Variants in ITLN2 observed in about 807,000 individuals in gnomAD.
The protein encoded by ITLN2 is intelectin 2.
Under a neutral mutation model 39.4 loss-of-function variants are expected in ITLN2, and 29 were observed. The observed-to-expected ratio is 0.74, with a 90% confidence interval of 0.55 to 1.00. The LOEUF is 1.00. Among genes scored for constraint, ITLN2 ranks in the 50% least tolerant of loss-of-function variants. ITLN2 has a pLI of 0.00. For synonymous variants in ITLN2, 156 were observed against 153.4 expected, an observed-to-expected ratio of 1.02 and a Z score of -0.12; for missense variants, 412 against 416.7, an observed-to-expected ratio of 0.99 and a Z score of 0.10.
At chr1:160,954,329 C>A in intron 2 of ITLN2, 58 bp downstream of exon 2, 1 of 1,280,202 alleles carries the variant, frequency 7.8e-7, no homozygotes, top group Non-Finnish European at 1.1e-6. Context: ...CCCTCCAGGC[C>A]CTGCACAGCA....
intron 7 of ITLN2, among the ~76,000 whole-genome samples, chr1:160,946,332 C>G (rs1339913341): frequency 1.3e-5 from 2 of 151,880 alleles, no homozygotes; most frequent in Non-Finnish European, 2.9e-5. Context: ...TAAATAAATA[C>G]ATAAGATTTA....
chr1:160,951,298 G>C lies in ITLN2; in HGVS notation c.194-8C>G, dbSNP rs1671738119. 4.2e-5 allele frequency: 66 copies of C among 1,568,848 alleles called. No homozygotes were observed. In the East Asian group the frequency reaches 1.4e-3, roughly 34 times the overall value. ...GGAGAAAATACAGGCCATCTGTAGA[G>C]AGAACCAGCCCAGAGCCTCCCTGTC... On this transcript the variant is annotated splice_region_variant and splice_polypyrimidine_tract_variant and intron_variant, in intron 3 of 7. Transcript: ENST00000368029.
rs767891405 is a variant in ITLN2 at position 160,953,483 on chromosome 1, G to T, written c.80-750C>A. On this transcript the variant is annotated intron_variant, in intron 2 of 7. Coordinates refer to ENST00000368029, the MANE Select transcript of ITLN2 (RefSeq NM_080878.3). Reference sequence around the variant, plus strand: ...TCCCAGCACTTTCGGAGGCCGAGGAGGGTGGATCACAAGATCAGGAGTTCA... The same window carrying T: ...TCCCAGCACTTTCGGAGGCCGAGGATGGTGGATCACAAGATCAGGAGTTCA... Among the ~76,000 whole-genome samples, 3 of 152,114 alleles carry T rather than the reference G, an allele frequency of 2.0e-5. No homozygotes were observed. The East Asian group carries it at 5.8e-4, about 29-fold the overall frequency.
chr1:160,952,792 G>T, intron 2 of ITLN2, 59 bp from the exon 3 acceptor site: 2 of 1,192,010 alleles, frequency 1.7e-6, no homozygotes. Context: ...ATCTTTCCTG[G>T]CCAATCTCTG....
At chr1:160,951,493 CAA>C (rs1671745277) in intron 3 of ITLN2, 4 of 637,776 alleles carry the variant, frequency 6.3e-6, no homozygotes, top group East Asian at 2.9e-5. Flanking sequence ...ACTATCTTTT[CAA>C]AGAGTTTGTA....
intron 2 of ITLN2, 87 bp from the exon 3 acceptor site, chr1:160,952,820 C>T: frequency 1.1e-6 from 1 of 950,030 alleles, no homozygotes; most frequent in Non-Finnish European, 1.7e-6. Context: ...ATCAACTCAT[C>T]ACTCTGCTCT....
At position 160,954,722 on chromosome 1, in the gene ITLN2, C is replaced by T. The variant is rs537974396; in HGVS notation, c.15+5G>A. 13 of 1,614,064 alleles carry T rather than the reference C, an allele frequency of 8.1e-6. No individual in the cohort carries two copies. The South Asian group carries it at 1.3e-4, about 16-fold the overall frequency. ...ACACACATGGATCAAAAACATTTTT[C>T]TCACCAGCATGGACAGCATCCTTAC... On this transcript the variant is annotated splice_donor_5th_base_variant and intron_variant, in intron 1 of 7. Transcript: ENST00000368029.
chr1:160,945,438 C>G (rs1240221480), intron 7 of ITLN2, 146 bp from the exon 8 acceptor site: 4 of 630,074 alleles, frequency 6.3e-6, no homozygotes, highest in Admixed American at 7.3e-5. Context: ...TGAGCTACCA[C>G]ACCTGGCCCT....
At position 160,951,259 on chromosome 1, in the gene ITLN2, A is replaced by G. The variant is rs6693472; in HGVS notation, c.225T>C (p.Gly75=). Residue 75 remains glycine, a synonymous_variant, in exon 4 of 8, where the codon GGT becomes GGC. Transcript: ENST00000368029. Reference sequence around the variant, plus strand: ...TGTCACAGAAGGTCTGGTAGACAACACCATTCTTGGTGCGGAGAAAATACA... The same window carrying G: ...TGTCACAGAAGGTCTGGTAGACAACGCCATTCTTGGTGCGGAGAAAATACA... ...DGLYFLRTKN[G]VVYQTFCDMT... 0.01 allele frequency: 16,268 copies of G among 1,600,862 alleles called. 679 individuals are homozygous for G. The African/African-American group carries it at 0.12, about 12-fold the overall frequency.
At chr1:160,947,900 G>T in intron 7 of ITLN2, 29 bp downstream of exon 7, 3 of 1,403,236 alleles carry the variant, frequency 2.1e-6, no homozygotes, top group Non-Finnish European at 3.0e-6. Context: ...TTCCCCACAC[G>T]TGGGCCATTG....
intron 2 of ITLN2, among the ~76,000 whole-genome samples, chr1:160,953,324 AT>A (rs1219528054): frequency 2.0e-5 from 3 of 152,234 alleles, no homozygotes; most frequent in African/African-American, 7.2e-5. Context: ...AAGCTGAAAA[AT>A]TAACAGAGGC....
Position 160,952,704 on chromosome 1 carries a change from T to C in ITLN2, c.109A>G (p.Arg37Gly). 1 of 1,613,978 alleles carries C rather than the reference T, an allele frequency of 6.2e-7. No individual in the cohort carries two copies. Among genetic ancestry groups the C allele is most frequent in the Non-Finnish European group, 8.5e-7 (1 of 1,179,928 alleles). Reference sequence around the variant, plus strand: ...GAGAAGGCACAGGTTTCGAATTCCCTCGAGAGCATCTCAAGAGAAGAGGCT... The same window carrying C: ...GAGAAGGCACAGGTTTCGAATTCCCCCGAGAGCATCTCAAGAGAAGAGGCT... ...AAASSLEMLSREFETCAFSFS... is the reference protein window; with the variant it reads ...AAASSLEMLSGEFETCAFSFS... Residue 37 changes from arginine (R) to glycine (G), a missense_variant, in exon 3 of 8, where the codon AGG (arginine) becomes GGG (glycine). Coordinates refer to ENST00000368029, the MANE Select transcript of ITLN2 (RefSeq NM_080878.3).
chr1:160,952,726 G>A lies in ITLN2; in HGVS notation c.87C>T (p.Ala29=), dbSNP rs754873784. ...CCCTCGAGAGCATCTCAAGAGAAGA[G>A]GCTGCTGCTAGAAAATGTGAGAATG... ...VATSGCSAAA[A]SSLEMLSREF... is the part of the protein sequence containing the mutation. Residue 29 remains alanine (A), a synonymous_variant, in exon 3 of 8, where the codon GCC becomes GCT. Transcript: ENST00000368029. 3.1e-6 allele frequency: 5 copies of A among 1,612,376 alleles called. No individual in the cohort carries two copies. The highest frequency in any genetic ancestry group is 1.1e-5 in the South Asian group (1 of 91,024).
rs368759400 is a variant in ITLN2, at chr1:160,951,351, G to A, written c.194-61C>T. 1.8e-5 allele frequency: 27 copies of A among 1,519,654 alleles called. No individual in the cohort carries two copies. The African/African-American group carries it at 1.8e-4, about 10-fold the overall frequency. 94.1% of individuals were successfully genotyped at this position (1,519,654 alleles called of 1,614,324 possible). A position where few individuals can be genotyped will look rare whatever the true frequency, so the allele number is the denominator to read the frequency against. On this transcript the variant is annotated intron_variant, in intron 3 of 7. Transcript: ENST00000368029. ...AGAGCTCAGGGTTCATCTCAGCTCC[G>A]TGAATAGAAAAGCCCTAGGAAGTCA...
Position 160,948,002 on chromosome 1 carries a change from C to G in ITLN2, c.752G>C (p.Arg251Pro). 6.2e-7 allele frequency: 1 copy of G among 1,614,002 alleles called. No individual in the cohort carries two copies. Residue 251 changes from arginine to proline, a missense_variant, in exon 7 of 8, where the codon CGG becomes CCG. Coordinates refer to ENST00000368029, the MANE Select transcript of ITLN2 (RefSeq NM_080878.3). ...GGCTGCTCTCTCGTTATTAAACACC[C>G]GGAACTGAACGAATCCTGCAACAAA... is the stretch of plus-strand genomic sequence containing the variant. ...REFVAGFVQF[R>P]VFNNERAANA... is the part of the protein sequence containing the mutation.
intron 7 of ITLN2, among the ~76,000 whole-genome samples, chr1:160,946,333 A>G (rs1014415979): frequency 6.6e-6 from 1 of 152,228 alleles, no homozygotes; most frequent in South Asian, 2.1e-4. Context: ...AAATAAATAC[A>G]TAAGATTTAA....
At position 160,951,324 on chromosome 1, in the gene ITLN2, TGA is replaced by T. The variant is rs749160214; in HGVS notation, c.194-36_194-35del. ...AGAACCAGCCCAGAGCCTCCCTGTC[TGA>T]GAGCTCAGGGTTCATCTCAGCTCCG... On this transcript the variant is annotated intron_variant, in intron 3 of 7. Transcript: ENST00000368029. 3.5e-5 allele frequency: 54 copies of T among 1,540,678 alleles called. No homozygotes were observed. The East Asian group carries it at 1.2e-3, about 34-fold the overall frequency.
chr1:160,953,080 A>G (rs776657986), intron 2 of ITLN2, among the ~76,000 whole-genome samples: 1 of 152,178 alleles, frequency 6.6e-6, no homozygotes, highest in African/African-American at 2.4e-5. Flanking sequence ...AGGCCTGGGA[A>G]CTGCTGGGGA....
chr1:160,954,747 C>T lies in ITLN2; in HGVS notation c.-6G>A, dbSNP rs761339023. 1 of 1,613,930 alleles carries T rather than the reference C, an allele frequency of 6.2e-7. No homozygotes were observed. The highest frequency in any genetic ancestry group is 1.7e-5 in the Admixed American group (1 of 60,002). The stretch of plus-strand genomic sequence containing the variant: ...CTCACCAGCATGGACAGCATCCTTA[C>T]AGATGCCAGGAGCTGATAGTTCCCT... On this transcript the variant is annotated 5_prime_UTR_variant, in exon 1 of 8. Transcript: ENST00000368029.
Sources: gnomAD v4.1 joint callset for allele counts (sites outside exome capture counted in the v4.1 genomes callset) on GRCh38, gnomAD v4.1.1 for gene constraint, MANE v1.5 for transcripts, NCBI Gene and HGNC (gene_info 2026-07-23, HGNC 2026-07-21) for gene names.